The following ATP8A1 variants were observed in gnomAD, a reference collection of about 807,000 sequenced individuals.
The protein encoded by ATP8A1 is ATPase phospholipid transporting 8A1.
A neutral mutation model predicts 177.7 loss-of-function variants in ATP8A1; 90 were observed. The ratio of observed to expected loss-of-function variants is 0.51; its 90% CI spans 0.43 to 0.60. The LOEUF (loss-of-function observed/expected upper bound fraction) is 0.60. ATP8A1 is among the 20% of genes least tolerant of loss of function. The pLI is 0.00. For missense variants in ATP8A1, 1,072 were observed against 1,392.8 expected (o/e 0.77, Z 3.67); for synonymous variants, 493 against 485.9 (o/e 1.01, Z -0.19).
intron 6 of ATP8A1, among the ~76,000 whole-genome samples, chr4:42,593,344 C>T (rs1179770719): frequency 1.3e-5 from 2 of 151,998 alleles, no homozygotes; most frequent in African/African-American, 4.8e-5. Flanking sequence ...GATTTGAAAA[C>T]ATCTATATTA....
intron 19 of ATP8A1, among the ~76,000 whole-genome samples, chr4:42,544,329 A>C (rs1343977576): frequency 6.6e-6 from 1 of 152,220 alleles, no homozygotes; most frequent in African/African-American, 2.4e-5. Flanking sequence ...TTAAAGGATA[A>C]ATTATGTTAT....
chr4:42,440,073 T>C (rs1349460192), intron 33 of ATP8A1, among the ~76,000 whole-genome samples: 1 of 152,218 alleles, frequency 6.6e-6, no homozygotes, highest in Non-Finnish European at 1.5e-5. Flanking sequence ...CTCCTGATGT[T>C]CATGGCAAAC....
In ATP8A1 at chr4:42,412,242, G is replaced by A. The variant is rs1014188766; in HGVS notation, c.*674C>T. 2 of 152,176 alleles carry A rather than the reference G, an allele frequency of 1.3e-5. No individual in the cohort carries two copies. The highest frequency in any genetic ancestry group is 4.8e-5 in the African/African-American group (2 of 41,452). 9.4% of individuals were successfully genotyped at this position (152,176 alleles called of 1,614,324 possible). The stretch of plus-strand genomic sequence containing the variant: ...AACATCACCGATTTTAGTAGCAAAT[G>A]CCTTGAAATATTCATTTTTGTAAAT... On this transcript the variant is annotated 3_prime_UTR_variant, in exon 37 of 37. Transcript: ENST00000381668.
rs1713180841 is a variant in ATP8A1 at position 42,415,812 on chromosome 4, A to G, written c.3306-1094T>C. ...AGACCCTGAAATGAAACAATATCAT[A>G]TACAAAAAAAGGATCCTCTGCAAAA... On this transcript the variant is annotated intron_variant, in intron 35 of 36. Transcript: ENST00000381668. Among the ~76,000 whole-genome samples, 3 of 152,220 alleles carry G rather than the reference A, an allele frequency of 2.0e-5. No homozygotes were observed. In the South Asian group the frequency reaches 6.2e-4, roughly 32 times the overall value.
chr4:42,499,458 G>A (rs1243967449), intron 24 of ATP8A1, among the ~76,000 whole-genome samples: 3 of 152,272 alleles, frequency 2.0e-5, no homozygotes, highest in Admixed American at 2.0e-4. Flanking sequence ...GAGAGATCAA[G>A]GTTAAGGGTA....
chr4:42,631,935 A>C (rs748433623), intron 1 of ATP8A1, among the ~76,000 whole-genome samples: 8 of 152,202 alleles, frequency 5.3e-5, no homozygotes, highest in Non-Finnish European at 1.0e-4. Flanking sequence ...GTAAATGATG[A>C]TAGTAACACC....
At chr4:42,441,191 T>C (rs886758884) in intron 33 of ATP8A1, among the ~76,000 whole-genome samples, 1 of 152,148 alleles carries the variant, frequency 6.6e-6, no homozygotes, top group African/African-American at 2.4e-5. Context: ...TATATTACTA[T>C]ATGCAATAGA....
chr4:42,472,029 A>G, intron 25 of ATP8A1: 1 of 721,360 alleles, frequency 1.4e-6, no homozygotes, highest in Non-Finnish European at 2.6e-6. Flanking sequence ...ATCTTTCCAG[A>G]AAATCCAACT....
At chr4:42,587,444 A>T (rs1220932019) in intron 8 of ATP8A1, among the ~76,000 whole-genome samples, 3 of 150,528 alleles carry the variant, frequency 2.0e-5, no homozygotes. Flanking sequence ...AGTAGCTGGG[A>T]TTACAGGCAC....
intron 20 of ATP8A1, among the ~76,000 whole-genome samples, chr4:42,528,084 G>A (rs575904318): frequency 6.6e-6 from 1 of 152,266 alleles, no homozygotes; most frequent in African/African-American, 2.4e-5. Context: ...AGTTAAAATA[G>A]GGGTTTATGG....
chr4:42,516,455 C>T (rs1725543672), intron 22 of ATP8A1, among the ~76,000 whole-genome samples: 1 of 152,048 alleles, frequency 6.6e-6, no homozygotes, highest in South Asian at 2.1e-4. Flanking sequence ...AAAATCTTAT[C>T]ACCAGGGAAA....
chr4:42,648,098 A>G (rs1338554860), intron 1 of ATP8A1, among the ~76,000 whole-genome samples: 2 of 152,250 alleles, frequency 1.3e-5, no homozygotes, highest in Non-Finnish European at 2.9e-5. Flanking sequence ...ACATGACTCA[A>G]TATAAGAAAG....
intron 24 of ATP8A1, among the ~76,000 whole-genome samples, chr4:42,493,936 T>G (rs1722983435): frequency 6.6e-6 from 1 of 151,868 alleles, no homozygotes; most frequent in South Asian, 2.1e-4. Context: ...GTCCGGTGGC[T>G]CCCACCTGTA....
intron 19 of ATP8A1, among the ~76,000 whole-genome samples, chr4:42,545,871 G>A (rs574833694): frequency 1.3e-5 from 2 of 152,246 alleles, no homozygotes; most frequent in South Asian, 2.1e-4. Context: ...CTACTTAGGA[G>A]GCTGAGGCAT....
Position 42,626,942 on chromosome 4 carries a change from T to A in ATP8A1, c.164+53A>T. The A allele has an allele frequency of 3.6e-6, 5 of 1,384,112 alleles. No individual in the cohort carries two copies. The East Asian group carries it at 1.1e-4, about 32-fold the overall frequency. The allele number at this position is 1,384,112 out of a possible 1,614,324, so 85.7% of individuals were successfully genotyped here. A position where few individuals can be genotyped will look rare whatever the true frequency, so the allele number is the denominator to read the frequency against. ...CTTTGCAAGCATTTTCATTTTGACC[T>A]AACCAGCTCTGCTCTGCTGGCTGGT... On this transcript the variant is annotated intron_variant, in intron 2 of 36. Coordinates refer to ENST00000381668, the MANE Select transcript of ATP8A1 (RefSeq NM_006095.2).
intron 1 of ATP8A1, among the ~76,000 whole-genome samples, chr4:42,649,844 A>G (rs1269125787): frequency 1.3e-5 from 2 of 152,216 alleles, no homozygotes; most frequent in Non-Finnish European, 2.9e-5. Context: ...ACATAGATTC[A>G]TTCATTTAAC....
rs573173089 is a variant in ATP8A1 at position 42,432,854 on chromosome 4, T to C, written c.3124-9149A>G. ...CCTTATCATTAAGAACTAACTTTAC[T>C]GTCTTTCATTTTAGCTGAAAAAAAT... On this transcript the variant is annotated intron_variant, in intron 33 of 36. Coordinates refer to ENST00000381668, the MANE Select transcript of ATP8A1 (RefSeq NM_006095.2). Among the ~76,000 whole-genome samples, 7 of 152,346 alleles carry C rather than the reference T, an allele frequency of 4.6e-5. No individual in the cohort carries two copies. The East Asian group carries it at 1.2e-3, about 25-fold the overall frequency.
chr4:42,566,851 A>C (rs940161696), intron 15 of ATP8A1, among the ~76,000 whole-genome samples: 1 of 152,190 alleles, frequency 6.6e-6, no homozygotes, highest in Non-Finnish European at 1.5e-5. Flanking sequence ...CCTGAATTTC[A>C]CCAACTTTAA....
rs35296572 is a variant in ATP8A1, at chr4:42,460,379, CTTTTTTTT to C, written c.2619+4303_2619+4310del. Among the ~76,000 whole-genome samples, 905 of 94,612 alleles carry C rather than the reference CTTTTTTTT, an allele frequency of 9.6e-3. 11 individuals carry two copies. The highest frequency in any genetic ancestry group is 0.034 in the African/African-American group (863 of 25,614). 62.1% of individuals were successfully genotyped at this position (94,612 alleles called of 152,430 possible). A position where few individuals can be genotyped will look rare whatever the true frequency, so the allele number is the denominator to read the frequency against. On this transcript the variant is annotated intron_variant, in intron 27 of 36. Transcript: ENST00000381668. ...ATTTCCATATAGCAAATGGATGGAT[CTTTTTTTT>C]TTTTTTTTTTTTTTTTCTGAGATGG... is the stretch of plus-strand genomic sequence containing the variant.
Sources: gnomAD v4.1 joint callset for allele counts (sites outside exome capture counted in the v4.1 genomes callset) on GRCh38, gnomAD v4.1.1 for gene constraint, MANE v1.5 for transcripts, NCBI Gene and HGNC (gene_info 2026-07-23, HGNC 2026-07-21) for gene names.